Variants in PPP1R42 observed in about 807,000 individuals in gnomAD.
PPP1R42 encodes leucine rich repeat containing 67.
A neutral mutation model predicts 31.0 loss-of-function variants in PPP1R42; 34 were observed. That is an observed-to-expected ratio of 1.10 (90% CI 0.83 to 1.46). The LOEUF (loss-of-function observed/expected upper bound fraction) is 1.46, where lower values mean the gene tolerates loss of function less well. Ranked by LOEUF, PPP1R42 falls within the 40% of genes most tolerant of loss-of-function variation. The probability of loss-of-function intolerance (pLI) is 0.00; values close to 1 mark genes in which losing one functional copy is unlikely to be tolerated. For missense variants in PPP1R42, 268 were observed against 303.0 expected, an observed-to-expected ratio of 0.88 and a Z score of 0.86; for synonymous variants, 103 against 109.8, an observed-to-expected ratio of 0.94 and a Z score of 0.39.
At chr8:67,020,510 T>C (rs1816182031) in intron 1 of PPP1R42, among the ~76,000 whole-genome samples, 1 of 151,774 alleles carries the variant, frequency 6.6e-6, no homozygotes, top group Non-Finnish European at 1.5e-5. Flanking sequence ...CAATCCAGGG[T>C]TTTTCAATCC....
At position 66,998,400 on chromosome 8, in the gene PPP1R42, A is replaced by G. The variant is rs1171617786; in HGVS notation, c.553-9883T>C. Among the ~76,000 whole-genome samples the G allele has an allele frequency of 2.0e-5, 3 of 152,356 alleles. No homozygotes were observed. The East Asian group carries it at 5.8e-4, about 29-fold the overall frequency. On this transcript the variant is annotated intron_variant, in intron 5 of 7. Coordinates refer to ENST00000685739, the MANE Select transcript of PPP1R42 (RefSeq NM_001364910.1). ...TTACGTTTAACATATTGACCTTGCC[A>G]TTAAGCATATGGCTTTGCTAAATAC...
intron 7 of PPP1R42, among the ~76,000 whole-genome samples, chr8:66,975,319 G>A (rs907899013): frequency 1.3e-5 from 2 of 152,042 alleles, no homozygotes; most frequent in African/African-American, 4.8e-5. Flanking sequence ...TTTCTTTTCA[G>A]ATAGTTTGTT....
At chr8:67,019,839 G>C (rs1369679662) in intron 1 of PPP1R42, among the ~76,000 whole-genome samples, 1 of 151,118 alleles carries the variant, frequency 6.6e-6, no homozygotes, top group Admixed American at 6.6e-5. Context: ...AGTGAGCCGA[G>C]ATCACGCCAC....
At chr8:66,997,135 A>T (rs549639759) in intron 5 of PPP1R42, among the ~76,000 whole-genome samples, 1 of 152,316 alleles carries the variant, frequency 6.6e-6, no homozygotes, top group East Asian at 1.9e-4. Flanking sequence ...CCTGGGCAAC[A>T]GAGCGAGACT....
Position 66,982,051 on chromosome 8 carries a change from AT to A in PPP1R42, c.799del (p.Ile267Ter), listed in dbSNP as rs1355732859. 5 of 1,439,770 alleles carry A rather than the reference AT, an allele frequency of 3.5e-6. No homozygotes were observed. Among genetic ancestry groups the A allele is most frequent in the Non-Finnish European group, 4.5e-6 (5 of 1,105,944 alleles). The allele number at this position is 1,439,770 out of a possible 1,614,324, so 89.2% of individuals were successfully genotyped here. A position where few individuals can be genotyped will look rare whatever the true frequency, so the allele number is the denominator to read the frequency against. On this transcript the variant is annotated frameshift_variant, in exon 7 of 8. Transcript: ENST00000685739. LOFTEE classifies it high-confidence loss of function. ...CTAATGAGTGACAGAGTGCTTACTT[AT>A]GAGTGAATTGCTTGCATCCTCATTT... ...SKNEDASNSL[I>X]RISL
chr8:66,984,541 C>T (rs1295001388), intron 6 of PPP1R42: 2 of 1,245,156 alleles, frequency 1.6e-6, no homozygotes, highest in Non-Finnish European at 2.4e-6. Flanking sequence ...AAATTTCTAA[C>T]TCCATCTCAA....
intron 3 of PPP1R42, among the ~76,000 whole-genome samples, chr8:67,013,367 A>G (rs1339413142): frequency 6.7e-6 from 1 of 150,182 alleles, no homozygotes; most frequent in Non-Finnish European, 1.5e-5. Flanking sequence ...CTAACATATG[A>G]AAAGCCCGGG....
chr8:66,967,129 A>G (rs76479584), intron 7 of PPP1R42, among the ~76,000 whole-genome samples: 1,556 of 152,196 alleles, frequency 0.01, 13 homozygotes, highest in Non-Finnish European at 0.017. Flanking sequence ...GAGACAAGCT[A>G]CTACACCTGA....
At chr8:66,970,901 T>C in intron 7 of PPP1R42, 1 of 1,037,206 alleles carries the variant, frequency 9.6e-7, no homozygotes, top group Non-Finnish European at 1.4e-6. Context: ...TTGGATGGCC[T>C]CTGTTCCTCT....
At chr8:67,017,000 C>T (rs150283159) in intron 2 of PPP1R42, among the ~76,000 whole-genome samples, 2 of 152,208 alleles carry the variant, frequency 1.3e-5, no homozygotes, top group African/African-American at 4.8e-5. Flanking sequence ...TATTTCCCAA[C>T]ATACACTTTC....
At chr8:66,991,149 T>C (rs956373811) in intron 5 of PPP1R42, among the ~76,000 whole-genome samples, 2 of 152,212 alleles carry the variant, frequency 1.3e-5, no homozygotes, top group Non-Finnish European at 2.9e-5. Flanking sequence ...TAGCAAACTT[T>C]ACAGACTTAA....
chr8:67,019,591 C>G (rs879762943), intron 1 of PPP1R42, among the ~76,000 whole-genome samples: 5 of 151,812 alleles, frequency 3.3e-5, no homozygotes, highest in Admixed American at 1.3e-4. Flanking sequence ...AAAAGGCCCT[C>G]GAGGAATATC....
intron 5 of PPP1R42, among the ~76,000 whole-genome samples, chr8:66,999,410 G>A (rs1457074141): frequency 1.3e-5 from 2 of 152,134 alleles, no homozygotes; most frequent in African/African-American, 2.4e-5. Flanking sequence ...TAGTAGAGAC[G>A]GGGTTTCGCC....
chr8:66,984,588 C>CTCCATAAT, intron 6 of PPP1R42: 1 of 1,195,226 alleles, frequency 8.4e-7, no homozygotes, highest in East Asian at 2.3e-5. Flanking sequence ...AAATTTCTAA[C>CTCCATAAT]TCCATATACA....
chr8:66,986,140 G>T, intron 6 of PPP1R42: 1 of 658,474 alleles, frequency 1.5e-6, no homozygotes, highest in South Asian at 1.5e-5. Flanking sequence ...TGTGACCACT[G>T]TAGGCTCTGA....
Position 67,013,033 on chromosome 8 carries a change from C to T in PPP1R42, c.360G>A (p.Glu120=). ...GAAGCCTCTGATTCTCAACATGAAG[C>T]TCTCTTAGTTCTCCTAATCCTTCTA... ...EGLEGLGELR[E]LHVENQRLPL... Residue 120 remains glutamate (E), a synonymous_variant, in exon 4 of 8, where the codon GAG becomes GAA. Transcript: ENST00000685739. The T allele has an allele frequency of 6.2e-7, 1 of 1,612,246 alleles. No homozygotes were observed. Among genetic ancestry groups the T allele is most frequent in the East Asian group, 2.2e-5 (1 of 44,780 alleles).
intron 5 of PPP1R42, among the ~76,000 whole-genome samples, chr8:66,990,193 T>C (rs1181958293): frequency 6.6e-6 from 1 of 152,240 alleles, no homozygotes; most frequent in East Asian, 1.9e-4. Flanking sequence ...GTATTTCTCT[T>C]ACTCTAAAAA....
At chr8:67,028,417 C>T in intron 1 of PPP1R42, 74 bp downstream of exon 1, 6 of 864,758 alleles carry the variant, frequency 6.9e-6, no homozygotes, top group Non-Finnish European at 8.3e-6. Context: ...GAAAGTCTTA[C>T]TGGCAGGCAA....
At chr8:67,008,765 T>C (rs1477300042) in intron 5 of PPP1R42, among the ~76,000 whole-genome samples, 2 of 149,180 alleles carry the variant, frequency 1.3e-5, no homozygotes, top group African/African-American at 2.5e-5. Context: ...TAAGCAACAA[T>C]GAAGGTATTT....
Sources: allele counts gnomAD v4.1 joint callset (sites outside exome capture counted in the v4.1 genomes callset), GRCh38; gene constraint gnomAD v4.1.1; transcripts MANE v1.5; gene names NCBI Gene and HGNC (gene_info 2026-07-23, HGNC 2026-07-21).